Variants in RORA observed in about 807,000 individuals in gnomAD.
The protein encoded by RORA is nuclear receptor ROR-alpha.
In RORA, 7 loss-of-function variants were observed where a neutral mutation model predicts 69.5. The observed-to-expected ratio is 0.10, with a 90% CI of 0.06 to 0.19. The LOEUF (loss-of-function observed/expected upper bound fraction) is 0.19, where lower values mean the gene tolerates loss of function less well. Among genes scored for constraint, RORA ranks in the 10% least tolerant of loss-of-function variants. The pLI is 1.00. For missense variants in RORA, 457 were observed against 663.0 expected (o/e 0.69, Z 3.41); for synonymous variants, 261 against 240.8 (o/e 1.08, Z -0.78).
intron 2 of RORA, among the ~76,000 whole-genome samples, chr15:60,671,837 C>T (rs2070478438): frequency 6.6e-6 from 1 of 152,000 alleles, no homozygotes; most frequent in Non-Finnish European, 1.5e-5. Flanking sequence ...GTCTCAAACT[C>T]CTGACCTCAG....
intron 4 of RORA, among the ~76,000 whole-genome samples, chr15:60,512,951 C>T (rs2065749869): frequency 6.6e-6 from 1 of 152,168 alleles, no homozygotes; most frequent in South Asian, 2.1e-4. Context: ...GGACTTAGTT[C>T]TCCTAATTGA....
intron 2 of RORA, among the ~76,000 whole-genome samples, chr15:60,639,844 G>C (rs1158180113): frequency 6.6e-6 from 1 of 152,120 alleles, no homozygotes; most frequent in Non-Finnish European, 1.5e-5. Context: ...TAATGACATG[G>C]GAAGATGTGC....
At chr15:60,935,470 A>T (rs1013432629) in intron 1 of RORA, among the ~76,000 whole-genome samples, 2 of 152,238 alleles carry the variant, frequency 1.3e-5, no homozygotes, top group Non-Finnish European at 2.9e-5. Context: ...TTTTTATTAT[A>T]AAAATAGAAC....
At chr15:60,954,297 TG>T (rs1352923555) in intron 1 of RORA, among the ~76,000 whole-genome samples, 2 of 50,650 alleles carry the variant, frequency 3.9e-5, no homozygotes, top group Non-Finnish European at 7.3e-5. Flanking sequence ...GGTGGTGGGG[TG>T]GGGGGTGGGG....
intron 2 of RORA, among the ~76,000 whole-genome samples, chr15:60,561,081 T>TG (rs2067535369): frequency 8.0e-6 from 1 of 124,836 alleles, no homozygotes; most frequent in African/African-American, 4.7e-5. Context: ...GTTTTGTTTT[T>TG]GTTTTTTTTT....
intron 1 of RORA, among the ~76,000 whole-genome samples, chr15:61,121,860 A>C (rs1038653186): frequency 6.8e-6 from 1 of 146,198 alleles, no homozygotes; most frequent in African/African-American, 2.5e-5. Flanking sequence ...AAAAAAAAAA[A>C]GGGCCCAAGT....
At chr15:61,189,856 CAAAAAAA>C (rs71125907) in intron 1 of RORA, among the ~76,000 whole-genome samples, 1 of 42,890 alleles carries the variant, frequency 2.3e-5, no homozygotes, top group Non-Finnish European at 3.7e-5. Flanking sequence ...GACTCTGTCT[CAAAAAAA>C]AAAAAAAAAA....
chr15:60,884,480 C>T (rs941513057), intron 1 of RORA, among the ~76,000 whole-genome samples: 55 of 151,970 alleles, frequency 3.6e-4, no homozygotes, highest in African/African-American at 1.2e-3. Context: ...TTGTGGTTAT[C>T]TGGGTGAGGT....
chr15:60,950,055 T>A (rs537522903), intron 1 of RORA, among the ~76,000 whole-genome samples: 2 of 151,426 alleles, frequency 1.3e-5, no homozygotes, highest in East Asian at 2.0e-4. Flanking sequence ...CGGGTTACCC[T>A]CAAAGGGAAG....
chr15:60,985,699 C>T (rs144574461), intron 1 of RORA, among the ~76,000 whole-genome samples: 2,907 of 149,610 alleles, frequency 0.019, 47 homozygotes, highest in Non-Finnish European at 0.031. Flanking sequence ...ATTCTCCTGC[C>T]TCAGCCTCCT....
At chr15:60,788,269 A>G (rs61603036) in intron 1 of RORA, among the ~76,000 whole-genome samples, 3,218 of 152,276 alleles carry the variant, frequency 0.021, 135 homozygotes, top group African/African-American at 0.073. Flanking sequence ...GATGCACAAG[A>G]CACATCTCTG....
intron 1 of RORA, among the ~76,000 whole-genome samples, chr15:60,796,702 A>G (rs1213849151): frequency 6.6e-6 from 1 of 152,154 alleles, no homozygotes; most frequent in Non-Finnish European, 1.5e-5. Context: ...AAAAGAACTC[A>G]AAGAAAGTGT....
intron 1 of RORA, among the ~76,000 whole-genome samples, chr15:60,733,914 C>CAGAGAGAT (rs2071462985): frequency 2.0e-5 from 2 of 101,376 alleles, no homozygotes; most frequent in Non-Finnish European, 4.0e-5. Context: ...AGAATAGGGG[C>CAGAGAGAT]AGAGAGAGAG....
chr15:60,610,750 A>C (rs567962555), intron 2 of RORA, among the ~76,000 whole-genome samples: 8 of 152,246 alleles, frequency 5.3e-5, no homozygotes, highest in Non-Finnish European at 1.2e-4. Flanking sequence ...AGGAAAAAAA[A>C]CCCCAAAAAC....
intron 1 of RORA, among the ~76,000 whole-genome samples, chr15:60,751,774 A>G (rs145807803): frequency 1.8e-3 from 268 of 152,314 alleles, no homozygotes; most frequent in Admixed American, 2.7e-3. Context: ...AGGCTCAGAA[A>G]CAGTAAACAA....
At position 60,822,225 on chromosome 15, in the gene RORA, C is replaced by T. The variant is rs149902505; in HGVS notation, c.167-143539G>A. 4.1e-4 allele frequency among the ~76,000 whole-genome samples: 62 copies of T among 152,284 alleles called. 2 individuals carry two copies. The highest frequency in any genetic ancestry group is 2.5e-4 in the Non-Finnish European group (17 of 68,020). ...GATCGTTTAAAAGAAGCATAGTTAT[C>T]TCCTAGTTCAAGAGCCTCATTTTGC... On this transcript the variant is annotated intron_variant, in intron 1 of 10. Transcript: ENST00000335670.
intron 1 of RORA, among the ~76,000 whole-genome samples, chr15:60,913,411 G>A (rs1891785016): frequency 6.6e-6 from 1 of 152,240 alleles, no homozygotes; most frequent in Non-Finnish European, 1.5e-5. Context: ...AAAGCCTAGA[G>A]GAAATTGGCC....
intron 1 of RORA, among the ~76,000 whole-genome samples, chr15:60,991,965 A>C (rs1894394259): frequency 6.6e-6 from 1 of 152,088 alleles, no homozygotes; most frequent in Admixed American, 6.5e-5. Context: ...GTTAGAAACA[A>C]CCTCAATGTC....
chr15:60,693,456 C>G (rs2070858844), intron 1 of RORA, among the ~76,000 whole-genome samples: 1 of 152,160 alleles, frequency 6.6e-6, no homozygotes, highest in African/African-American at 2.4e-5. Context: ...CCAAGGCAGT[C>G]AGGCAAGAGA....
Sources: allele counts gnomAD v4.1 joint callset (sites outside exome capture counted in the v4.1 genomes callset), GRCh38; gene constraint gnomAD v4.1.1; transcripts MANE v1.5; gene names NCBI Gene and HGNC (gene_info 2026-07-23, HGNC 2026-07-21).